SUGCT: variants seen among roughly 807,000 people sequenced by gnomAD.
The protein encoded by SUGCT is succinyl-CoA:glutarate-CoA transferase.
In SUGCT, 41 loss-of-function variants were observed where a neutral mutation model predicts 55.0. That is an observed-to-expected ratio of 0.74 (90% confidence interval 0.58 to 0.97). The LOEUF (loss-of-function observed/expected upper bound fraction) is 0.97, where lower values mean the gene tolerates loss of function less well. Among genes scored for constraint, SUGCT ranks in the 50% least tolerant of loss-of-function variants. The pLI is 0.00. For missense variants in SUGCT, 568 were observed against 547.8 expected (o/e 1.04, Z -0.37); for synonymous variants, 187 against 200.4 (o/e 0.93, Z 0.56).
intron 12 of SUGCT, among the ~76,000 whole-genome samples, chr7:40,575,020 C>T (rs963546119): frequency 3.3e-5 from 5 of 152,002 alleles, no homozygotes; most frequent in South Asian, 2.1e-4. Flanking sequence ...ACCCCTCCAT[C>T]GCACTGCCTC....
chr7:40,267,252 C>A (rs1791650304), intron 7 of SUGCT, among the ~76,000 whole-genome samples: 1 of 152,048 alleles, frequency 6.6e-6, no homozygotes, highest in Non-Finnish European at 1.5e-5. Flanking sequence ...ACTTTTACAG[C>A]AAAATTATCA....
intron 12 of SUGCT, among the ~76,000 whole-genome samples, chr7:40,621,798 C>T (rs533417926): frequency 2.0e-4 from 30 of 152,178 alleles, no homozygotes; most frequent in Non-Finnish European, 3.8e-4. Flanking sequence ...CATCTTATAT[C>T]TACAATGACC....
chr7:40,388,947 A>G (rs1785263328), intron 9 of SUGCT, among the ~76,000 whole-genome samples: 1 of 152,104 alleles, frequency 6.6e-6, no homozygotes, highest in South Asian at 2.1e-4. Context: ...TATGTTTGAG[A>G]TATTCATTTA....
intron 6 of SUGCT, among the ~76,000 whole-genome samples, chr7:40,207,982 T>A (rs914613798): frequency 3.3e-5 from 5 of 152,128 alleles, no homozygotes; most frequent in African/African-American, 7.2e-5. Flanking sequence ...AAATAAGCAA[T>A]AATGATGGAA....
At chr7:40,809,741 A>G (rs2128756407) in intron 13 of SUGCT, among the ~76,000 whole-genome samples, 1 of 152,284 alleles carries the variant, frequency 6.6e-6, no homozygotes, top group Non-Finnish European at 1.5e-5. Flanking sequence ...GGTACTGAGC[A>G]TAGTACTCAA....
At chr7:40,194,396 G>A (rs1455733157) in intron 5 of SUGCT, among the ~76,000 whole-genome samples, 1 of 151,974 alleles carries the variant, frequency 6.6e-6, no homozygotes, top group Non-Finnish European at 1.5e-5. Context: ...GAGCAGCTGG[G>A]ACCATAGGTA....
intron 13 of SUGCT, among the ~76,000 whole-genome samples, chr7:40,784,438 G>A (rs997545981): frequency 9.9e-5 from 15 of 152,126 alleles, no homozygotes; most frequent in Admixed American, 9.8e-4. Flanking sequence ...ACACTTTTAT[G>A]TCATTAAAAT....
chr7:40,984,136 T>C, the SUGCT span, among the ~76,000 whole-genome samples: 1 of 152,088 alleles, frequency 6.6e-6, no homozygotes, highest in Non-Finnish European at 1.5e-5. Context: ...TCAGCCTCTG[T>C]AATGAAAGGT....
At chr7:40,143,456 G>A (rs1449926100) in intron 1 of SUGCT, among the ~76,000 whole-genome samples, 1 of 152,236 alleles carries the variant, frequency 6.6e-6, no homozygotes, top group Non-Finnish European at 1.5e-5. Context: ...GTTACTCTAG[G>A]CTGTAGAATC....
chr7:40,732,943 C>T (rs1005357697), intron 12 of SUGCT, among the ~76,000 whole-genome samples: 6 of 150,530 alleles, frequency 4.0e-5, no homozygotes, highest in Non-Finnish European at 7.4e-5. Context: ...TACATAGTGG[C>T]GCATGTCTGT....
At chr7:40,882,480 C>T in the SUGCT span, among the ~76,000 whole-genome samples, 21 of 152,250 alleles carry the variant, frequency 1.4e-4, no homozygotes, top group Non-Finnish European at 2.4e-4. Flanking sequence ...ATTGGTAGCA[C>T]ACATCAAGGC....
At position 40,449,232 on chromosome 7, in the gene SUGCT, T is replaced by G. The variant is rs934223274; in HGVS notation, c.817-55T>G. 11 of 1,210,566 alleles carry G rather than the reference T, an allele frequency of 9.1e-6. No homozygotes were observed. The Admixed American group carries it at 1.0e-4, about 11-fold the overall frequency. The allele number at this position is 1,210,566 out of a possible 1,614,324, so 75.0% of individuals were successfully genotyped here. On this transcript the variant is annotated intron_variant, in intron 9 of 13. Coordinates refer to ENST00000335693, the MANE Select transcript of SUGCT (RefSeq NM_001193313.2). ...ATATAGATATTTTAGAAATTAAACT[T>G]TTGTGGTCTTGTCAACATATAAATA...
chr7:40,513,965 T>C (rs928246552), intron 12 of SUGCT, among the ~76,000 whole-genome samples: 1 of 151,864 alleles, frequency 6.6e-6, no homozygotes, highest in African/African-American at 2.4e-5. Context: ...AATTTTTTTG[T>C]ATTTTTAGTG....
chr7:40,374,433 A>G (rs946648751), intron 9 of SUGCT, among the ~76,000 whole-genome samples: 4 of 152,148 alleles, frequency 2.6e-5, no homozygotes, highest in African/African-American at 9.7e-5. Context: ...TCCACTTTCC[A>G]TGTTTTCCCT....
At chr7:40,332,452 T>G (rs1235771936) in intron 9 of SUGCT, among the ~76,000 whole-genome samples, 2 of 140,070 alleles carry the variant, frequency 1.4e-5, no homozygotes, top group Admixed American at 1.4e-4. Flanking sequence ...GATTTTTTTT[T>G]TTGTTTTTTT....
intron 9 of SUGCT, among the ~76,000 whole-genome samples, chr7:40,444,066 T>A (rs937186844): frequency 2.6e-5 from 4 of 152,206 alleles, no homozygotes; most frequent in African/African-American, 9.7e-5. Flanking sequence ...GGCTCTGTTC[T>A]GTTCCATTGG....
intron 9 of SUGCT, among the ~76,000 whole-genome samples, chr7:40,382,045 A>G (rs887935843): frequency 1.3e-5 from 2 of 151,478 alleles, no homozygotes; most frequent in African/African-American, 4.8e-5. Context: ...AACTCTAGGA[A>G]TTTCTTGAGT....
intron 13 of SUGCT, among the ~76,000 whole-genome samples, chr7:40,768,434 TGG>T (rs1788916755): frequency 6.6e-6 from 1 of 152,116 alleles, no homozygotes; most frequent in African/African-American, 2.4e-5. Context: ...CAACTCGCCT[TGG>T]CCACTTCGTG....
At chr7:40,246,251 C>CTTTTTTTTTTTTTT (rs11387100) in intron 7 of SUGCT, among the ~76,000 whole-genome samples, 2 of 147,230 alleles carry the variant, frequency 1.4e-5, no homozygotes, top group Non-Finnish European at 1.5e-5. Flanking sequence ...ATAGCATGTT[C>CTTTTTTTTTTTTTT]TTTTTTTTTT....
Sources: allele counts gnomAD v4.1 joint callset (sites outside exome capture counted in the v4.1 genomes callset), GRCh38; gene constraint gnomAD v4.1.1; transcripts MANE v1.5; gene names NCBI Gene and HGNC (gene_info 2026-07-23, HGNC 2026-07-21).